Variants in ATP10D observed in about 807,000 individuals in gnomAD.
ATP10D encodes phospholipid-transporting ATPase VD.
ATP10D carries 89 observed loss-of-function variants against 144.8 expected under a neutral mutation model. The ratio of observed to expected loss-of-function variants is 0.61; its 90% CI spans 0.52 to 0.73. The LOEUF is 0.73. ATP10D is among the 30% of genes least tolerant of loss of function. The probability of loss-of-function intolerance (pLI) is 0.00; values close to 1 mark genes in which losing one functional copy is unlikely to be tolerated. For synonymous variants in ATP10D, 571 were observed against 615.1 expected, an observed-to-expected ratio of 0.93 and a Z score of 1.06; for missense variants, 1,603 against 1,714.8, an observed-to-expected ratio of 0.93 and a Z score of 1.15.
rs1465497193 is a variant in ATP10D, at chr4:47,536,861, C to T, written c.1319C>T (p.Thr440Ile). Reference sequence around the variant, plus strand: ...ATTCAGTACCTCTTTTCCGATAAGACAGGAACCCTCACTGAGAATAAGATG... The same window carrying T: ...ATTCAGTACCTCTTTTCCGATAAGATAGGAACCCTCACTGAGAATAAGATG... ...GQIQYLFSDKTGTLTENKMVF... is the reference protein window; with the variant it reads ...GQIQYLFSDKIGTLTENKMVF... Residue 440 changes from threonine to isoleucine, a missense_variant, in exon 9 of 23, where the codon ACA (threonine) becomes ATA (isoleucine). Coordinates refer to ENST00000273859, the MANE Select transcript of ATP10D (RefSeq NM_020453.4). 6.2e-7 allele frequency: 1 copy of T among 1,613,382 alleles called. No individual in the cohort carries two copies.
chr4:47,554,734 C>T lies in ATP10D; in HGVS notation c.1644C>T (p.Asp548=), dbSNP rs760347995. Residue 548 remains aspartate, a synonymous_variant, in exon 11 of 23, where the codon GAC becomes GAT. Transcript: ENST00000273859. ...TCTTATTGGATCTTCAGGAAACAGA[C>T]GTGGTACCAGACACCAGGCTTTTAG... ...QAAFSSPIET[D]VVPDTRLLDK... The T allele has an allele frequency of 8.7e-6, 14 of 1,608,394 alleles. 1 individual carries two copies. In the Admixed American group the frequency reaches 1.3e-4, roughly 15 times the overall value.
At chr4:47,583,663 G>A (rs1371805976) in intron 21 of ATP10D, among the ~76,000 whole-genome samples, 1 of 152,168 alleles carries the variant, frequency 6.6e-6, no homozygotes, top group Non-Finnish European at 1.5e-5. Context: ...AATGCCAAAG[G>A]TTCTGACATT....
rs1174205135 is a variant in ATP10D at position 47,546,766 on chromosome 4, C to T, written c.1539C>T (p.Pro513=). The T allele has an allele frequency of 5.0e-6, 8 of 1,613,902 alleles. No homozygotes were observed. The Admixed American group carries it at 1.3e-4, about 27-fold the overall frequency. ...ATAATGGGCCTTTGGGAAATAAGCC[C>T]TCAAATCATCTTGCTGGGAGCTCTT... ...TVHNGPLGNK[P]SNHLAGSSFT... Residue 513 remains proline (P), a synonymous_variant, in exon 10 of 23, where the codon CCC becomes CCT. Transcript: ENST00000273859.
At chr4:47,532,061 C>G (rs529025286) in intron 5 of ATP10D, among the ~76,000 whole-genome samples, 2 of 152,318 alleles carry the variant, frequency 1.3e-5, no homozygotes, top group Non-Finnish European at 2.9e-5. Context: ...TGTCTAGTGT[C>G]TGAGACTCCG....
In ATP10D at chr4:47,561,896, T is replaced by C. The variant is rs900066352; in HGVS notation, c.2668+821T>C. 2.0e-5 allele frequency among the ~76,000 whole-genome samples: 3 copies of C among 152,202 alleles called. No individual in the cohort carries two copies. In the East Asian group the frequency reaches 5.8e-4, roughly 29 times the overall value. ...TAATATAAGCTCTGATATACCAAGATACCAGCTTCTGAGCTCCATTCCTCT... is the reference window on the plus strand; with the variant it reads ...TAATATAAGCTCTGATATACCAAGACACCAGCTTCTGAGCTCCATTCCTCT... On this transcript the variant is annotated intron_variant, in intron 14 of 22. Coordinates refer to ENST00000273859, the MANE Select transcript of ATP10D (RefSeq NM_020453.4).
At chr4:47,522,274 A>G (rs1236316164) in intron 3 of ATP10D, among the ~76,000 whole-genome samples, 2 of 152,194 alleles carry the variant, frequency 1.3e-5, no homozygotes, top group African/African-American at 4.8e-5. Flanking sequence ...GCATAATGGT[A>G]ACCCATCCTA....
Position 47,559,031 on chromosome 4 carries a change from T to G in ATP10D, c.2541+2T>G. 6.2e-7 allele frequency: 1 copy of G among 1,609,514 alleles called. No individual in the cohort carries two copies. Among genetic ancestry groups the G allele is most frequent in the Non-Finnish European group, 8.5e-7 (1 of 1,176,092 alleles). On this transcript the variant is annotated splice_donor_variant, in intron 13 of 22. Transcript: ENST00000273859. LOFTEE classifies it high-confidence loss of function. ...CGTACTTTATGTATAGCAAAGAAGG[T>G]GAGACTGCTTAGTGCGCTCCATCTT...
chr4:47,554,626 A>G, intron 10 of ATP10D, 100 bp from the exon 11 acceptor site: 1 of 923,814 alleles, frequency 1.1e-6, no homozygotes, highest in South Asian at 2.2e-5. Context: ...CCATCTCATG[A>G]TTCATTTAGA....
At chr4:47,487,865 A>G (rs1714853844) in intron 1 of ATP10D, among the ~76,000 whole-genome samples, 2 of 152,114 alleles carry the variant, frequency 1.3e-5, no homozygotes, top group Admixed American at 1.3e-4. Context: ...ATGTTGGGCC[A>G]GGCACAGTGG....
intron 1 of ATP10D, among the ~76,000 whole-genome samples, chr4:47,497,703 G>A (rs1293270818): frequency 6.6e-6 from 1 of 152,074 alleles, no homozygotes; most frequent in Non-Finnish European, 1.5e-5. Flanking sequence ...CATAGTTTAG[G>A]AATTAATAAA....
chr4:47,495,032 C>T (rs1715280557), intron 1 of ATP10D, among the ~76,000 whole-genome samples: 1 of 152,182 alleles, frequency 6.6e-6, no homozygotes, highest in Middle Eastern at 3.4e-3. Context: ...GAAACAAAAA[C>T]CCCAAAACTG....
intron 22 of ATP10D, among the ~76,000 whole-genome samples, chr4:47,590,046 A>G (rs1252422403): frequency 3.3e-5 from 5 of 152,136 alleles, no homozygotes; most frequent in Non-Finnish European, 7.4e-5. Context: ...ATGAATTTTC[A>G]AGTACACTGA....
At chr4:47,515,951 C>T (rs775036450) in intron 3 of ATP10D, among the ~76,000 whole-genome samples, 7 of 152,110 alleles carry the variant, frequency 4.6e-5, no homozygotes, top group Non-Finnish European at 8.8e-5. Flanking sequence ...ACTTCAGGGC[C>T]GGGCGTGGTG....
intron 3 of ATP10D, among the ~76,000 whole-genome samples, chr4:47,518,415 T>A (rs938971427): frequency 6.6e-6 from 1 of 152,176 alleles, no homozygotes; most frequent in East Asian, 1.9e-4. Flanking sequence ...GGGCCACTTA[T>A]AAGGTTTTAA....
intron 5 of ATP10D, among the ~76,000 whole-genome samples, chr4:47,529,710 A>T (rs1003209284): frequency 6.6e-6 from 1 of 152,046 alleles, no homozygotes; most frequent in Non-Finnish European, 1.5e-5. Flanking sequence ...AATTACGTTG[A>T]ATCTGTAGAT....
intron 1 of ATP10D, among the ~76,000 whole-genome samples, chr4:47,491,908 C>A (rs908914857): frequency 6.6e-6 from 1 of 152,102 alleles, no homozygotes; most frequent in African/African-American, 2.4e-5. Context: ...CTAATTTTAT[C>A]TTTTTTATTG....
chr4:47,491,014 A>G (rs1369899553), intron 1 of ATP10D: 3 of 707,706 alleles, frequency 4.2e-6, no homozygotes, highest in Non-Finnish European at 8.0e-6. Flanking sequence ...AAGAGGTTCC[A>G]GCAGCTCAGG....
chr4:47,501,236 C>T lies in ATP10D; in HGVS notation c.-37-11268C>T, dbSNP rs74922096. Among the ~76,000 whole-genome samples, 1,183 of 152,144 alleles carry T rather than the reference C, an allele frequency of 7.8e-3. 21 individuals carry two copies. Among genetic ancestry groups the T allele is most frequent in the African/African-American group, 0.027 (1,120 of 41,506 alleles). On this transcript the variant is annotated intron_variant, in intron 1 of 22. Coordinates refer to ENST00000273859, the MANE Select transcript of ATP10D (RefSeq NM_020453.4). ...GTTGGTGGTTGTTTATGGGTAGGAT[C>T]AGTGATATTGGAGTTGGGTTAAAAG...
At chr4:47,528,575 A>G (rs1320700234) in intron 5 of ATP10D, among the ~76,000 whole-genome samples, 1 of 150,528 alleles carries the variant, frequency 6.6e-6, no homozygotes, top group Non-Finnish European at 1.5e-5. Flanking sequence ...ACTTAGGTTG[A>G]TTTCATTACT....
Sources: allele counts gnomAD v4.1 joint callset (sites outside exome capture counted in the v4.1 genomes callset), GRCh38; gene constraint gnomAD v4.1.1; transcripts MANE v1.5; gene names NCBI Gene and HGNC (gene_info 2026-07-23, HGNC 2026-07-21).